The following SYNE2 variants were observed in gnomAD, a reference collection of about 807,000 sequenced individuals.
SYNE2 encodes the protein nesprin-2.
In SYNE2, 431 loss-of-function variants were observed where a neutral mutation model predicts 856.3. The observed-to-expected ratio is 0.50, with a 90% CI of 0.47 to 0.55. The LOEUF (loss-of-function observed/expected upper bound fraction) is 0.55, where lower values mean the gene tolerates loss of function less well. Among genes scored for constraint, SYNE2 ranks in the 20% least tolerant of loss-of-function variants. The pLI is 0.00. For synonymous variants in SYNE2, 2,923 were observed against 2,872.3 expected, an observed-to-expected ratio of 1.02 and a Z score of -0.56; for missense variants, 8,129 against 8,023.2, an observed-to-expected ratio of 1.01 and a Z score of -0.50.
rs1326060201 is a variant in SYNE2 at position 64,208,087 on chromosome 14, T to C, written c.18202-671T>C. On this transcript the variant is annotated intron_variant, in intron 100 of 115. Transcript: ENST00000555002. ...CTTCATAAATGTTATTTTTCCCAAA[T>C]TGGGGAACTGCATCACTATCATCAT... is the stretch of plus-strand genomic sequence containing the variant. 16 of 455,936 alleles carry C rather than the reference T, an allele frequency of 3.5e-5. 1 individual carries two copies. The East Asian group carries it at 9.7e-4, about 28-fold the overall frequency. 28.2% of individuals were successfully genotyped at this position (455,936 alleles called of 1,614,324 possible).
intron 1 of SYNE2, among the ~76,000 whole-genome samples, chr14:63,882,836 A>T (rs1251011956): frequency 6.6e-6 from 1 of 152,240 alleles, no homozygotes; most frequent in Non-Finnish European, 1.5e-5. Context: ...GCTCAGAGAC[A>T]CAGTGGCTGA....
chr14:64,092,661 C>G (rs1222849955), intron 60 of SYNE2, among the ~76,000 whole-genome samples: 1 of 152,146 alleles, frequency 6.6e-6, no homozygotes, highest in African/African-American at 2.4e-5. Flanking sequence ...TCTAGTTTTT[C>G]TTTTGAAGTC....
intron 1 of SYNE2, among the ~76,000 whole-genome samples, chr14:63,898,816 A>G (rs2095296395): frequency 6.6e-6 from 1 of 152,210 alleles, no homozygotes; most frequent in Non-Finnish European, 1.5e-5. Flanking sequence ...CTTTAGCTGG[A>G]TATAAATTAT....
chr14:64,035,600 G>C (rs2097081588), intron 45 of SYNE2, among the ~76,000 whole-genome samples: 1 of 136,790 alleles, frequency 7.3e-6, no homozygotes, highest in Admixed American at 8.1e-5. Flanking sequence ...GGCTGAAAAA[G>C]ACCTTAGAAA....
At chr14:63,761,966 G>A in exon 1 of SYNE2, 2 of 342,258 alleles carry the variant, frequency 5.8e-6, no homozygotes, top group East Asian at 1.5e-4. Context: ...TGGCTGCGGG[G>A]ACCCAGTGAC....
At chr14:63,939,789 CA>C (rs1566854680) in intron 2 of SYNE2, among the ~76,000 whole-genome samples, 2 of 152,204 alleles carry the variant, frequency 1.3e-5, no homozygotes, top group Non-Finnish European at 2.9e-5. Flanking sequence ...GGACACTGCT[CA>C]AGGTCACACA....
At chr14:63,960,882 A>G in intron 8 of SYNE2, 1 of 603,210 alleles carries the variant, frequency 1.7e-6, no homozygotes, top group Non-Finnish European at 3.0e-6. Context: ...CTGTCTAAAA[A>G]AAATAAAAAA....
intron 1 of SYNE2, among the ~76,000 whole-genome samples, chr14:63,808,313 A>G (rs1287780385): frequency 6.6e-6 from 1 of 151,594 alleles, no homozygotes; most frequent in Non-Finnish European, 1.5e-5. Flanking sequence ...ACATGGTGAA[A>G]CCCTGTCTCT....
Position 64,212,836 on chromosome 14 carries a change from A to G in SYNE2, c.18887A>G (p.Asn6296Ser). The change falls in exon 105 of 116, where the codon AAT becomes AGT. Residue 6296 changes from asparagine (N) to serine (S), a missense_variant. Around this residue, in one of 3 missense-constraint regions of SYNE2, gnomAD observed 5,410 missense variants for 5,284.8 expected, o/e 1.02. Coordinates refer to ENST00000555002, the MANE Select transcript of SYNE2 (RefSeq NM_182914.3). ...GGCTTCCAACAGGAAATTACATTAA[A>G]TACCAACAAGATTGATCAGCTCATT... ...LNGFQQEITL[N>S]TNKIDQLIVF... The G allele has an allele frequency of 6.2e-7, 1 of 1,614,252 alleles. No individual in the cohort carries two copies. The highest frequency in any genetic ancestry group is 8.5e-7 in the Non-Finnish European group (1 of 1,180,046).
chr14:63,980,908 T>A, intron 15 of SYNE2, 78 bp from the exon 16 acceptor site: 1 of 1,146,222 alleles, frequency 8.7e-7, no homozygotes, highest in Non-Finnish European at 1.3e-6. Context: ...CGCTGTCAAT[T>A]AATATGCAAA....
chr14:64,031,364 G>A lies in SYNE2; in HGVS notation c.7221+7G>A. The A allele has an allele frequency of 6.2e-7, 1 of 1,610,678 alleles. No homozygotes were observed. Among genetic ancestry groups the A allele is most frequent in the Non-Finnish European group, 8.5e-7 (1 of 1,177,140 alleles). ...AGACTGGGAAATAAACAAGGTAAGT[G>A]CTTGTGATTGCACTTTCAAGACAGT... is the stretch of plus-strand genomic sequence containing the variant. On this transcript the variant is annotated splice_region_variant and intron_variant, in intron 45 of 115. Transcript: ENST00000555002.
intron 65 of SYNE2, among the ~76,000 whole-genome samples, chr14:64,109,461 A>G (rs1466080825): frequency 1.3e-5 from 2 of 152,162 alleles, no homozygotes; most frequent in African/African-American, 4.8e-5. Flanking sequence ...AAGATGCCCA[A>G]GGTCATTTAG....
intron 1 of SYNE2, among the ~76,000 whole-genome samples, chr14:63,855,658 C>A (rs1380275337): frequency 1.3e-5 from 2 of 152,222 alleles, no homozygotes; most frequent in African/African-American, 4.8e-5. Flanking sequence ...TCACAGCCAT[C>A]CTCGCGACTC....
intron 1 of SYNE2, among the ~76,000 whole-genome samples, chr14:63,901,354 T>C (rs1433811001): frequency 6.6e-6 from 1 of 152,244 alleles, no homozygotes; most frequent in Non-Finnish European, 1.5e-5. Context: ...AATACCTTAT[T>C]CTCATTTTGC....
intron 2 of SYNE2, among the ~76,000 whole-genome samples, chr14:63,931,680 A>C (rs1242293887): frequency 1.3e-5 from 2 of 152,224 alleles, no homozygotes; most frequent in South Asian, 4.1e-4. Flanking sequence ...GTATTTCGTA[A>C]GTCTTTCAAT....
intron 66 of SYNE2, among the ~76,000 whole-genome samples, chr14:64,116,942 A>G (rs1001654191): frequency 1.3e-5 from 2 of 152,196 alleles, no homozygotes; most frequent in African/African-American, 4.8e-5. Context: ...CAGAGCATAA[A>G]ATTATGCTAC....
intron 19 of SYNE2, among the ~76,000 whole-genome samples, chr14:63,987,993 A>G (rs1317380044): frequency 6.6e-6 from 1 of 152,230 alleles, no homozygotes; most frequent in African/African-American, 2.4e-5. Context: ...ATATTCATAG[A>G]AAAATATCTG....
At chr14:64,168,006 T>C (rs1567528780) in intron 92 of SYNE2, among the ~76,000 whole-genome samples, 1 of 152,234 alleles carries the variant, frequency 6.6e-6, no homozygotes, top group Non-Finnish European at 1.5e-5. Flanking sequence ...AAGCACCTGG[T>C]ATAATTATAA....
At chr14:63,806,734 T>A (rs1888374530) in intron 1 of SYNE2, among the ~76,000 whole-genome samples, 1 of 152,126 alleles carries the variant, frequency 6.6e-6, no homozygotes, top group Non-Finnish European at 1.5e-5. Flanking sequence ...CAAATCTGGC[T>A]GTTCCGAAGT....
Sources: allele counts gnomAD v4.1 joint callset (sites outside exome capture counted in the v4.1 genomes callset), GRCh38; gene constraint gnomAD v4.1.1; regional missense constraint gnomAD v4.1.1; transcripts MANE v1.5; gene names NCBI Gene and HGNC (gene_info 2026-07-23, HGNC 2026-07-21).